Variants in AP3B1 observed in about 807,000 individuals in gnomAD.
AP3B1 encodes the protein AP-3 complex subunit beta-1.
A neutral mutation model predicts 132.5 loss-of-function variants in AP3B1; 61 were observed. The observed-to-expected ratio is 0.46, with a 90% CI of 0.37 to 0.57. AP3B1 has a LOEUF of 0.57. Among genes scored for constraint, AP3B1 ranks in the 20% least tolerant of loss-of-function variants. The pLI, the probability that AP3B1 is intolerant of heterozygous loss-of-function variation, is 0.00. For synonymous variants in AP3B1, 388 were observed against 438.3 expected (o/e 0.89, Z 1.43); for missense variants, 1,120 against 1,289.4 (o/e 0.87, Z 2.01).
chr5:78,223,148 T>A (rs1186066084), intron 6 of AP3B1, among the ~76,000 whole-genome samples: 1 of 151,344 alleles, frequency 6.6e-6, no homozygotes, highest in Non-Finnish European at 1.5e-5. Flanking sequence ...GCATGAACAA[T>A]GGTGCGTGGC....
chr5:78,153,560 T>C (rs1280116913), intron 14 of AP3B1, among the ~76,000 whole-genome samples: 1 of 152,164 alleles, frequency 6.6e-6, no homozygotes, highest in East Asian at 1.9e-4. Flanking sequence ...AATGTTATTA[T>C]TGATAAGTAA....
intron 7 of AP3B1, among the ~76,000 whole-genome samples, chr5:78,203,933 G>A (rs1745401823): frequency 6.6e-6 from 1 of 152,014 alleles, no homozygotes; most frequent in Non-Finnish European, 1.5e-5. Context: ...TTTCTAGTTG[G>A]TTTCTTTGCA....
At chr5:78,260,486 T>C (rs1748042406) in intron 2 of AP3B1, among the ~76,000 whole-genome samples, 1 of 151,870 alleles carries the variant, frequency 6.6e-6, no homozygotes, top group Non-Finnish European at 1.5e-5. Flanking sequence ...CCCAGCTACT[T>C]GGGAGGCTGA....
intron 22 of AP3B1, among the ~76,000 whole-genome samples, chr5:78,076,295 C>G (rs758929125): frequency 6.6e-6 from 1 of 152,212 alleles, no homozygotes; most frequent in Non-Finnish European, 1.5e-5. Flanking sequence ...TTGTTTACCA[C>G]TATATCCATG....
At chr5:78,023,030 A>G (rs1312044945) in intron 24 of AP3B1, among the ~76,000 whole-genome samples, 2 of 152,298 alleles carry the variant, frequency 1.3e-5, no homozygotes, top group South Asian at 2.1e-4. Context: ...CAGCTTCCCC[A>G]GGGTGGGTAG....
intron 1 of AP3B1, among the ~76,000 whole-genome samples, chr5:78,273,396 ATC>A (rs1453696804): frequency 6.6e-6 from 1 of 152,114 alleles, no homozygotes; most frequent in Non-Finnish European, 1.5e-5. Flanking sequence ...GTAAGAACCT[ATC>A]TCTCTCAAGG....
intron 14 of AP3B1, among the ~76,000 whole-genome samples, chr5:78,149,760 G>A (rs1753566535): frequency 2.6e-5 from 4 of 152,108 alleles, no homozygotes; most frequent in Admixed American, 6.6e-5. Flanking sequence ...CAAGTCATCC[G>A]GTTTTCAAAT....
chr5:78,156,506 G>T, intron 13 of AP3B1, 139 bp from the exon 14 acceptor site: 1 of 678,764 alleles, frequency 1.5e-6, no homozygotes, highest in Non-Finnish European at 2.5e-6. Flanking sequence ...GCATAACCAT[G>T]AGTGCGCTTC....
rs982168688 is a variant in AP3B1 at position 78,110,126 on chromosome 5, G to A, written c.2397+81C>T. The stretch of plus-strand genomic sequence containing the variant: ...TTATCTAGAAAAAATAAAATCACAG[G>A]AGTAGATGAGGATGGTGTTGTCTAT... On this transcript the variant is annotated intron_variant, in intron 20 of 26. Coordinates refer to ENST00000255194, the MANE Select transcript of AP3B1 (RefSeq NM_003664.5). 1.9e-5 allele frequency: 23 copies of A among 1,221,006 alleles called. No individual in the cohort carries two copies. In the Admixed American group the frequency reaches 4.6e-4, roughly 24 times the overall value. 75.6% of individuals were successfully genotyped at this position (1,221,006 alleles called of 1,614,324 possible). A position where few individuals can be genotyped will look rare whatever the true frequency, so the allele number is the denominator to read the frequency against.
At chr5:78,186,487 G>C (rs1744612235) in intron 7 of AP3B1, among the ~76,000 whole-genome samples, 1 of 152,154 alleles carries the variant, frequency 6.6e-6, no homozygotes, top group South Asian at 2.1e-4. Context: ...GCAACATGAA[G>C]ATTCCCTGTG....
intron 20 of AP3B1, among the ~76,000 whole-genome samples, chr5:78,103,404 T>C (rs896940350): frequency 6.6e-6 from 1 of 152,168 alleles, no homozygotes; most frequent in East Asian, 1.9e-4. Flanking sequence ...CACCGCAGCA[T>C]GAGCCATGGA....
intron 7 of AP3B1, among the ~76,000 whole-genome samples, chr5:78,207,347 A>C (rs1161913331): frequency 6.6e-6 from 1 of 152,022 alleles, no homozygotes; most frequent in Non-Finnish European, 1.5e-5. Flanking sequence ...AAATCACTTG[A>C]GCCTGGAAGG....
chr5:78,034,870 T>A (rs1747736847), intron 23 of AP3B1, among the ~76,000 whole-genome samples: 1 of 152,014 alleles, frequency 6.6e-6, no homozygotes, highest in African/African-American at 2.4e-5. Flanking sequence ...AAAGTAAATT[T>A]TAAACAATGT....
chr5:78,005,921 C>T (rs1561348303), intron 26 of AP3B1, among the ~76,000 whole-genome samples: 1 of 152,132 alleles, frequency 6.6e-6, no homozygotes, highest in Non-Finnish European at 1.5e-5. Flanking sequence ...TTTGGGATGT[C>T]AGAAACATTG....
chr5:78,177,209 T>A (rs923202390), intron 9 of AP3B1, 130 bp downstream of exon 9: 1 of 666,838 alleles, frequency 1.5e-6, no homozygotes, highest in African/African-American at 1.8e-5. Flanking sequence ...CCCTTAAGTA[T>A]GAAATCTTAC....
At chr5:78,238,735 C>T (rs1365467057) in intron 3 of AP3B1, among the ~76,000 whole-genome samples, 3 of 149,120 alleles carry the variant, frequency 2.0e-5, no homozygotes, top group African/African-American at 7.4e-5. Context: ...TCTAGTTAAC[C>T]CAAAAAAGGA....
At chr5:78,193,751 TATATATATATA>T (rs1744951314) in intron 7 of AP3B1, among the ~76,000 whole-genome samples, 4 of 118,904 alleles carry the variant, frequency 3.4e-5, no homozygotes, top group Non-Finnish European at 3.5e-5. Context: ...TTTTTATATA[TATATATATATA>T]TATATATATT....
intron 22 of AP3B1, among the ~76,000 whole-genome samples, chr5:78,079,611 C>T (rs1749906021): frequency 6.6e-6 from 1 of 152,132 alleles, no homozygotes; most frequent in Non-Finnish European, 1.5e-5. Flanking sequence ...AACCCGGACT[C>T]AAGTATTAAG....
intron 1 of AP3B1, among the ~76,000 whole-genome samples, chr5:78,283,999 T>C (rs146573515): frequency 6.6e-6 from 1 of 152,316 alleles, no homozygotes; most frequent in African/African-American, 2.4e-5. Flanking sequence ...CTCCTAACTA[T>C]GTGCTCTCGC....
Sources: gnomAD v4.1 joint callset for allele counts (sites outside exome capture counted in the v4.1 genomes callset) on GRCh38, gnomAD v4.1.1 for gene constraint, MANE v1.5 for transcripts, NCBI Gene and HGNC (gene_info 2026-07-23, HGNC 2026-07-21) for gene names.